POLI: variants seen among roughly 807,000 people sequenced by gnomAD.
POLI encodes DNA polymerase iota, also known as RAD30 homolog B.
A neutral mutation model predicts 51.6 loss-of-function variants in POLI; 58 were observed. That is an observed-to-expected ratio of 1.12 (90% CI 0.91 to 1.40). POLI has a LOEUF of 1.40. Among genes scored for constraint, POLI ranks in the 40% most tolerant of loss-of-function variants. POLI has a pLI of 0.00. For missense variants in POLI, 921 were observed against 871.3 expected (o/e 1.06, Z -0.72); for synonymous variants, 322 against 299.7 (o/e 1.07, Z -0.77).
Position 54,294,756 on chromosome 18 carries a change from A to T in POLI, c.*289A>T. ...ATATTTTTCATGAATTGGTGGGGAG[A>T]TGTATATGTTTATATATAAAAAATA... On this transcript the variant is annotated 3_prime_UTR_variant, in exon 10 of 10. Coordinates refer to ENST00000579534, the MANE Select transcript of POLI (RefSeq NM_007195.3). 1 of 1,003,638 alleles carries T rather than the reference A, an allele frequency of 1.0e-6. No homozygotes were observed. Among genetic ancestry groups the T allele is most frequent in the Non-Finnish European group, 1.2e-6 (1 of 834,624 alleles). The allele number at this position is 1,003,638 out of a possible 1,614,324, so 62.2% of individuals were successfully genotyped here. A position where few individuals can be genotyped will look rare whatever the true frequency, so the allele number is the denominator to read the frequency against.
At chr18:54,289,832 A>G (rs1238014373) in intron 8 of POLI, among the ~76,000 whole-genome samples, 2 of 152,162 alleles carry the variant, frequency 1.3e-5, no homozygotes, top group African/African-American at 2.4e-5. Context: ...TTAACTCAAG[A>G]TGGATTAAAG....
intron 3 of POLI, among the ~76,000 whole-genome samples, chr18:54,307,333 C>T (rs1001055914): frequency 8.5e-5 from 13 of 152,266 alleles, no homozygotes; most frequent in African/African-American, 2.6e-4. Context: ...GACTTCATTT[C>T]GCTATGTACC....
intron 8 of POLI, 59 bp downstream of exon 8, chr18:54,287,470 T>A: frequency 7.5e-7 from 1 of 1,334,102 alleles, no homozygotes; most frequent in Non-Finnish European, 1.1e-6. Context: ...TAAGCCAACT[T>A]TGAATGAGAA....
intron 9 of POLI, 103 bp from the exon 10 acceptor site, chr18:54,293,546 T>G: frequency 1.3e-6 from 1 of 747,984 alleles, no homozygotes; most frequent in Non-Finnish European, 2.1e-6. Flanking sequence ...ATTTGTTGAG[T>G]AGGTTAGAAA....
At chr18:54,272,760 C>G (rs2087063419) in intron 2 of POLI, among the ~76,000 whole-genome samples, 1 of 151,606 alleles carries the variant, frequency 6.6e-6, no homozygotes, top group African/African-American at 2.4e-5. Context: ...ACGTGAGCCA[C>G]CGTGCCCGAC....
At position 54,305,635 on chromosome 18, in the gene POLI, C is replaced by A. The variant is rs547657193; in HGVS notation, c.334-14638C>A. ...GTGTCCTGAGACTTTGCTGAAGTTG[C>A]TTATCAGCTTAAGGAGGTTTTGGGC... On this transcript the variant is annotated intron_variant, in intron 3 of 4. Transcript: ENST00000579823. Among the ~76,000 whole-genome samples the A allele has an allele frequency of 2.0e-4, 22 of 111,656 alleles. 6 individuals are homozygous for A. Among genetic ancestry groups the A allele is most frequent in the Admixed American group, 7.1e-4 (8 of 11,316 alleles). 73.3% of individuals were successfully genotyped at this position (111,656 alleles called of 152,430 possible).
Position 54,289,090 on chromosome 18 carries a change from G to GT in POLI, c.1198+1685dup, listed in dbSNP as rs1221625504. On this transcript the variant is annotated intron_variant, in intron 8 of 9. Coordinates refer to ENST00000579534, the MANE Select transcript of POLI (RefSeq NM_007195.3). Reference sequence around the variant, plus strand: ...TGGATTTACAATTTTTTCTTGTAGGGTTTTTTCTTTTTTGTTTCCTGTACT... The same window carrying GT: ...TGGATTTACAATTTTTTCTTGTAGGGTTTTTTTCTTTTTTGTTTCCTGTACT... Among the ~76,000 whole-genome samples, 5 of 151,338 alleles carry GT rather than the reference G, an allele frequency of 3.3e-5. No homozygotes were observed. The East Asian group carries it at 7.8e-4, about 23-fold the overall frequency.
At chr18:54,293,119 T>C (rs2144592879) in intron 9 of POLI, among the ~76,000 whole-genome samples, 1 of 152,126 alleles carries the variant, frequency 6.6e-6, no homozygotes, top group South Asian at 2.1e-4. Context: ...AGAAAAATTA[T>C]GCAAGTTAGA....
At chr18:54,300,345 T>G (rs1415657480), downstream of POLI, among the ~76,000 whole-genome samples, 4 of 152,122 alleles carry the variant, frequency 2.6e-5, no homozygotes, top group Admixed American at 2.6e-4. Context: ...TGGTAGTATA[T>G]TATTGTAAGG....
At chr18:54,289,522 C>T (rs927169321) in intron 8 of POLI, among the ~76,000 whole-genome samples, 1 of 151,994 alleles carries the variant, frequency 6.6e-6, no homozygotes, top group Admixed American at 6.6e-5. Context: ...ATAGCCAAGA[C>T]AATCCTAAAT....
At chr18:54,290,703 A>G (rs1195905960) in intron 8 of POLI, among the ~76,000 whole-genome samples, 1 of 152,142 alleles carries the variant, frequency 6.6e-6, no homozygotes. Flanking sequence ...GCTGGAAACC[A>G]TCATTCTCAG....
In POLI at chr18:54,295,212, G is replaced by A; in HGVS notation, c.*745G>A. 2.0e-6 allele frequency: 2 copies of A among 985,388 alleles called. No homozygotes were observed. Among genetic ancestry groups the A allele is most frequent in the Non-Finnish European group, 2.4e-6 (2 of 829,918 alleles). 61.0% of individuals were successfully genotyped at this position (985,388 alleles called of 1,614,324 possible). A position where few individuals can be genotyped will look rare whatever the true frequency, so the allele number is the denominator to read the frequency against. On this transcript the variant is annotated 3_prime_UTR_variant, in exon 10 of 10. Transcript: ENST00000579534. ...AGGTGATGGGCCTATAAGCATACTG[G>A]ATAATGGAAGAAGTCCATTTCTTTC...
intron 3 of POLI, among the ~76,000 whole-genome samples, chr18:54,317,962 T>C (rs552209362): frequency 3.9e-5 from 6 of 152,292 alleles, no homozygotes; most frequent in Admixed American, 1.3e-4. Context: ...ATTCTGAAAA[T>C]CATATAACTT....
chr18:54,271,151 G>C (rs1485417584), intron 1 of POLI: 3 of 357,694 alleles, frequency 8.4e-6, no homozygotes, highest in African/African-American at 3.8e-5. Context: ...GAAAAACGCA[G>C]TGCACAAACA....
chr18:54,271,628 T>C lies in POLI; in HGVS notation c.241+143T>C, dbSNP rs2087006190. ...GTGCTTTATAGCTGGTCATTTTTGC[T>C]TCACTACCAAGTGTAAATTTTACAA... On this transcript the variant is annotated intron_variant, in intron 2 of 9. Transcript: ENST00000579534. 4 of 556,108 alleles carry C rather than the reference T, an allele frequency of 7.2e-6. No homozygotes were observed. In the East Asian group the frequency reaches 9.1e-5, roughly 13 times the overall value. 34.4% of individuals were successfully genotyped at this position (556,108 alleles called of 1,614,324 possible).
At chr18:54,306,661 C>G (rs1200468780) in intron 3 of POLI, among the ~76,000 whole-genome samples, 2 of 152,174 alleles carry the variant, frequency 1.3e-5, no homozygotes, top group Admixed American at 1.3e-4. Context: ...ACCAGCTCCT[C>G]TTTGTACCTC....
rs2088210511 is a variant in POLI at position 54,294,620 on chromosome 18, T to G, written c.*153T>G. 7.7e-7 allele frequency: 1 copy of G among 1,300,038 alleles called. No individual in the cohort carries two copies. Among genetic ancestry groups the G allele is most frequent in the Non-Finnish European group, 9.7e-7 (1 of 1,027,712 alleles). 80.5% of individuals were successfully genotyped at this position (1,300,038 alleles called of 1,614,324 possible). A position where few individuals can be genotyped will look rare whatever the true frequency, so the allele number is the denominator to read the frequency against. On this transcript the variant is annotated 3_prime_UTR_variant, in exon 10 of 10. Coordinates refer to ENST00000579534, the MANE Select transcript of POLI (RefSeq NM_007195.3). ...AAGAATAGTTGCAAGAAGTAAATTC[T>G]GGCACAAAGCGTAAAAATATAACAG... is the stretch of plus-strand genomic sequence containing the variant.
chr18:54,307,147 G>A (rs1369326830), intron 3 of POLI, among the ~76,000 whole-genome samples: 3 of 152,006 alleles, frequency 2.0e-5, no homozygotes, highest in South Asian at 2.1e-4. Flanking sequence ...GAATTTGTTT[G>A]CTCTTGCTTC....
chr18:54,287,968 T>A (rs988122549), intron 8 of POLI, among the ~76,000 whole-genome samples: 26 of 152,316 alleles, frequency 1.7e-4, no homozygotes, highest in African/African-American at 6.3e-4. Flanking sequence ...TTATGGGCAT[T>A]TAGATTGTTT....
Sources: allele counts gnomAD v4.1 joint callset (sites outside exome capture counted in the v4.1 genomes callset), GRCh38; gene constraint gnomAD v4.1.1; transcripts MANE v1.5; gene names NCBI Gene and HGNC (gene_info 2026-07-23, HGNC 2026-07-21).